SRGAP2C: variants seen among roughly 807,000 people sequenced by gnomAD.
SRGAP2C encodes SLIT-ROBO Rho GTPase activating protein 2C, also known as SLIT-ROBO Rho GTPase-activating protein 2C.
Under a neutral mutation model 25.1 loss-of-function variants are expected in SRGAP2C, and 15 were observed. That is an observed-to-expected ratio of 0.60 (90% CI 0.40 to 0.92). The LOEUF (loss-of-function observed/expected upper bound fraction) is 0.92. Among genes scored for constraint, SRGAP2C ranks in the 40% least tolerant of loss-of-function variants. The pLI is 0.00. For synonymous variants in SRGAP2C, 44 were observed against 96.6 expected (o/e 0.46, Z 3.19); for missense variants, 144 against 264.4 (o/e 0.54, Z 3.16).
intron 2 of SRGAP2C, among the ~76,000 whole-genome samples, chr1:121,272,368 G>A (rs1365442592): frequency 6.6e-6 from 1 of 151,652 alleles, no homozygotes; most frequent in Non-Finnish European, 1.5e-5. Context: ...AGGTGGTGGA[G>A]CTGGCATTTT....
intron 2 of SRGAP2C, among the ~76,000 whole-genome samples, chr1:121,253,918 G>A (rs1372234260): frequency 1.9e-4 from 28 of 151,186 alleles, no homozygotes; most frequent in South Asian, 4.2e-4. Flanking sequence ...TTTATTTTTC[G>A]TTTTTCTCTT....
chr1:121,380,844 G>A (rs1265739436), intron 7 of SRGAP2C, among the ~76,000 whole-genome samples: 1 of 150,790 alleles, frequency 6.6e-6, no homozygotes, highest in Non-Finnish European at 1.5e-5. Context: ...TAGGGGTAGA[G>A]GTAGTAAGAA....
In SRGAP2C at chr1:121,348,635, C is replaced by G. The variant is rs1170193162; in HGVS notation, c.424-16658C>G. Among the ~76,000 whole-genome samples, 8 of 149,350 alleles carry G rather than the reference C, an allele frequency of 5.4e-5. No individual in the cohort carries two copies. In the Admixed American group the frequency reaches 5.4e-4, roughly 10 times the overall value. On this transcript the variant is annotated intron_variant, in intron 4 of 9. Coordinates refer to ENST00000367123, the MANE Select transcript of SRGAP2C (RefSeq NM_001329984.2). ...GTGAAAATTTATGGCCTTTCTTCCCCCTGTCTTTGCTCTGTAATTATTAGG... is the reference window on the plus strand; with the variant it reads ...GTGAAAATTTATGGCCTTTCTTCCCGCTGTCTTTGCTCTGTAATTATTAGG...
intron 4 of SRGAP2C, among the ~76,000 whole-genome samples, chr1:121,336,997 A>G (rs2101621201): frequency 3.2e-5 from 1 of 31,170 alleles, no homozygotes; most frequent in South Asian, 8.3e-4. Flanking sequence ...AGTTGGTTCT[A>G]AAGGTCCAAG....
chr1:121,216,019 C>A (rs1447730634), intron 2 of SRGAP2C, among the ~76,000 whole-genome samples: 5 of 151,976 alleles, frequency 3.3e-5, no homozygotes, highest in Non-Finnish European at 5.9e-5. Context: ...TTACTGCCAT[C>A]TTCTTTCCCC....
intron 2 of SRGAP2C, among the ~76,000 whole-genome samples, chr1:121,228,737 T>A (rs1655743604): frequency 6.6e-6 from 1 of 151,792 alleles, no homozygotes; most frequent in South Asian, 2.1e-4. Flanking sequence ...TTACTAAATG[T>A]TTATTAAACA....
At chr1:121,282,586 G>A (rs1272857243) in intron 2 of SRGAP2C, among the ~76,000 whole-genome samples, 5 of 151,928 alleles carry the variant, frequency 3.3e-5, no homozygotes, top group South Asian at 2.1e-4. Flanking sequence ...ACGGAGTCTC[G>A]CTCTGTCGCC....
chr1:121,329,385 A>T (rs1658387206), intron 4 of SRGAP2C, among the ~76,000 whole-genome samples: 1 of 143,154 alleles, frequency 7.0e-6, no homozygotes, highest in African/African-American at 2.6e-5. Flanking sequence ...GAATTCAGAT[A>T]TTTCACTTAG....
chr1:121,289,168 G>A (rs1331687404), intron 3 of SRGAP2C, among the ~76,000 whole-genome samples: 4 of 148,684 alleles, frequency 2.7e-5, no homozygotes, highest in Admixed American at 6.7e-5. Flanking sequence ...GGTGCTCGTC[G>A]GGGAGGCTCC....
At position 121,265,177 on chromosome 1, in the gene SRGAP2C, C is replaced by T. The variant is rs1225160352; in HGVS notation, c.68-19626C>T. Among the ~76,000 whole-genome samples the T allele has an allele frequency of 2.0e-4, 28 of 141,346 alleles. No homozygotes were observed. In the East Asian group the frequency reaches 5.3e-3, roughly 27 times the overall value. The allele number at this position is 141,346 out of a possible 152,430, so 92.7% of individuals were successfully genotyped here. ...TCATGCCACTGTACTCCAGCCTGGG[C>T]AACCAAGTGAGACTCTGTCTCAAAA... On this transcript the variant is annotated intron_variant, in intron 2 of 9. Transcript: ENST00000367123.
At chr1:121,207,889 C>A (rs1490243214) in intron 2 of SRGAP2C, among the ~76,000 whole-genome samples, 1 of 152,112 alleles carries the variant, frequency 6.6e-6, no homozygotes, top group Non-Finnish European at 1.5e-5. Context: ...AGAGATTACC[C>A]ACAGTTGGCT....
At position 121,324,459 on chromosome 1, in the gene SRGAP2C, C is replaced by G; in HGVS notation, c.261-19C>G. 1 of 1,609,470 alleles carries G rather than the reference C, an allele frequency of 6.2e-7. No homozygotes were observed. Among genetic ancestry groups the G allele is most frequent in the Non-Finnish European group, 8.5e-7 (1 of 1,175,960 alleles). Reference sequence around the variant, plus strand: ...CTGTGTATCAACAATGACTTCTTTTCCTTGATGTTTCTTCACAGGAAGGAT... The same window carrying G: ...CTGTGTATCAACAATGACTTCTTTTGCTTGATGTTTCTTCACAGGAAGGAT... On this transcript the variant is annotated intron_variant, in intron 3 of 9. Coordinates refer to ENST00000367123, the MANE Select transcript of SRGAP2C (RefSeq NM_001329984.2).
intron 2 of SRGAP2C, among the ~76,000 whole-genome samples, chr1:121,198,969 A>G (rs1190102994): frequency 6.6e-6 from 1 of 152,184 alleles, no homozygotes; most frequent in Admixed American, 6.5e-5. Flanking sequence ...CAAAATCCCT[A>G]GTTTCCCTAT....
intron 3 of SRGAP2C, among the ~76,000 whole-genome samples, chr1:121,286,308 G>T (rs1209328430): frequency 7.2e-6 from 1 of 138,850 alleles, no homozygotes; most frequent in Non-Finnish European, 1.6e-5. Context: ...GTACAATAGC[G>T]TGATCTTGGC....
At chr1:121,302,685 T>C (rs1657729005) in intron 3 of SRGAP2C, among the ~76,000 whole-genome samples, 1 of 94,752 alleles carries the variant, frequency 1.1e-5, no homozygotes. Flanking sequence ...TGGCCTTTTT[T>C]GGCAAACGAA....
intron 2 of SRGAP2C, among the ~76,000 whole-genome samples, chr1:121,213,242 C>T (rs372317130): frequency 4.0e-5 from 6 of 148,396 alleles, no homozygotes; most frequent in African/African-American, 7.4e-5. Context: ...GACAGAGGTT[C>T]GCCATGTTGG....
chr1:121,207,069 T>TCC (rs1387080060), intron 2 of SRGAP2C, among the ~76,000 whole-genome samples: 1 of 150,686 alleles, frequency 6.6e-6, no homozygotes, highest in Non-Finnish European at 1.5e-5. Context: ...CAAGTGACAA[T>TCC]GCCACCCCCA....
chr1:121,354,276 TTCTTTCTTTCTTTCTTTC>T (rs1177384872), intron 4 of SRGAP2C, among the ~76,000 whole-genome samples: 2 of 43,622 alleles, frequency 4.6e-5, no homozygotes, highest in African/African-American at 9.2e-5. Context: ...CTTTCTTTCT[TTCTTTCTTTCTTTCTTTC>T]TTTCTTTCTT....
At chr1:121,263,393 T>C (rs2101534982) in intron 2 of SRGAP2C, among the ~76,000 whole-genome samples, 1 of 124,578 alleles carries the variant, frequency 8.0e-6, no homozygotes, top group East Asian at 2.5e-4. Flanking sequence ...ATCACACCAC[T>C]GCACTCCAGC....
Sources: allele counts gnomAD v4.1 joint callset (sites outside exome capture counted in the v4.1 genomes callset), GRCh38; gene constraint gnomAD v4.1.1; transcripts MANE v1.5; gene names NCBI Gene and HGNC (gene_info 2026-07-23, HGNC 2026-07-21).